The following WASHC5 variants were observed in gnomAD, a reference collection of about 807,000 sequenced individuals.
WASHC5 encodes WASH complex subunit strumpellin.
A neutral mutation model predicts 150.4 loss-of-function variants in WASHC5; 101 were observed. The observed-to-expected ratio is 0.67, with a 90% CI of 0.57 to 0.79. The LOEUF is 0.79. Among genes scored for constraint, WASHC5 ranks in the 30% least tolerant of loss-of-function variants. The probability of loss-of-function intolerance (pLI) is 0.00; values close to 1 mark genes in which losing one functional copy is unlikely to be tolerated. For synonymous variants in WASHC5, 467 were observed against 491.2 expected (o/e 0.95, Z 0.65); for missense variants, 1,195 against 1,396.3 (o/e 0.86, Z 2.30).
rs116712065 is a variant in WASHC5 at position 125,037,575 on chromosome 8, T to C, written c.3085-242A>G. 3.4e-3 allele frequency among the ~76,000 whole-genome samples: 513 copies of C among 152,312 alleles called. 4 individuals carry two copies. The highest frequency in any genetic ancestry group is 0.012 in the African/African-American group (489 of 41,558). ...GAAAACAATTTTGCTTAGAAAGACTTTTCCCCTGAATCCTGTTAATGTCAT... is the reference window on the plus strand; with the variant it reads ...GAAAACAATTTTGCTTAGAAAGACTCTTCCCCTGAATCCTGTTAATGTCAT... On this transcript the variant is annotated intron_variant, in intron 25 of 28. Transcript: ENST00000318410.
chr8:125,056,418 T>C (rs971969210), intron 16 of WASHC5, among the ~76,000 whole-genome samples: 12 of 152,206 alleles, frequency 7.9e-5, no homozygotes, highest in African/African-American at 2.9e-4. Context: ...AAGACTGTTA[T>C]AGGAAAAAGT....
At chr8:125,044,753 A>T in intron 20 of WASHC5, 55 bp from the exon 21 acceptor site, 1 of 1,561,340 alleles carries the variant, frequency 6.4e-7, no homozygotes, top group Non-Finnish European at 8.8e-7. Flanking sequence ...ATCCTTAAAG[A>T]GATGTTAGGA....
chr8:125,066,999 A>G (rs1816759627), intron 10 of WASHC5, among the ~76,000 whole-genome samples: 1 of 152,068 alleles, frequency 6.6e-6, no homozygotes. Context: ...CTGAGTTCAT[A>G]TTTACATTTT....
intron 9 of WASHC5, among the ~76,000 whole-genome samples, chr8:125,071,453 C>G (rs776363234): frequency 4.6e-5 from 7 of 152,192 alleles, no homozygotes; most frequent in Non-Finnish European, 8.8e-5. Context: ...GCACTCTGGT[C>G]CAGCCAGGTC....
intron 17 of WASHC5, among the ~76,000 whole-genome samples, chr8:125,054,629 CAAGACCACGGTGAAACCCTGTCTCT>C (rs1290972904): frequency 1.8e-4 from 27 of 151,720 alleles, no homozygotes; most frequent in African/African-American, 6.3e-4. Context: ...GTCAGGAGAT[CAAGACCACGGTGAAACCCTGTCTCT>C]AAAAAATACA....
At chr8:125,089,562 A>T (rs190370381) in intron 1 of WASHC5, among the ~76,000 whole-genome samples, 2 of 152,368 alleles carry the variant, frequency 1.3e-5, no homozygotes, top group Non-Finnish European at 2.9e-5. Context: ...AACAGGTCCA[A>T]TGGCTACCCG....
At position 125,031,123 on chromosome 8, in the gene WASHC5, G is replaced by C. The variant is rs565365884; in HGVS notation, c.3335+1118C>G. On this transcript the variant is annotated intron_variant, in intron 27 of 28. Transcript: ENST00000318410. ...GAGAGGTAGCACAAGCCCCCTCGGT[G>C]AGAGTGTTCCAGCAGTGGCTGCATG... Among the ~76,000 whole-genome samples the C allele has an allele frequency of 4.6e-5, 7 of 152,308 alleles. No individual in the cohort carries two copies. In the East Asian group the frequency reaches 1.4e-3, roughly 29 times the overall value.
At chr8:125,034,546 C>T (rs557574282) in intron 26 of WASHC5, among the ~76,000 whole-genome samples, 3 of 152,106 alleles carry the variant, frequency 2.0e-5, no homozygotes, top group South Asian at 4.2e-4. Context: ...ACTGACGCCA[C>T]CAAATAATGG....
intron 16 of WASHC5, 88 bp from the exon 17 acceptor site, chr8:125,055,759 G>A: frequency 1.2e-6 from 1 of 846,804 alleles, no homozygotes; most frequent in Non-Finnish European, 2.1e-6. Flanking sequence ...TGTAGCTTTA[G>A]GACACCTGTG....
rs1376539976 is a variant in WASHC5, at chr8:125,091,750, C to T, written c.-260G>A. 2 of 152,368 alleles carry T rather than the reference C, an allele frequency of 1.3e-5. No individual in the cohort carries two copies. The highest frequency in any genetic ancestry group is 2.9e-5 in the Non-Finnish European group (2 of 68,156). 9.4% of individuals were successfully genotyped at this position (152,368 alleles called of 1,614,324 possible). On this transcript the variant is annotated 5_prime_UTR_variant, in exon 1 of 29. Transcript: ENST00000318410. ...CCCGGACCTGGAGCGGGTCAGACCC[C>T]GACTTCCGCCCCTGACTCCCCAGGC...
Position 125,073,217 on chromosome 8 carries a change from A to C in WASHC5, c.1086T>G (p.Leu362=), listed in dbSNP as rs1816953743. ...EEMVLDNIPK[L]LNCLRDCNVA... ...CATTGCAGTCTCTCAGGCAGTTCAG[A>C]AGCTTTGGGATATTGTCCAGAACCA... Residue 362 remains leucine (L), a synonymous_variant, in exon 9 of 29, where the codon CTT becomes CTG. Coordinates refer to ENST00000318410, the MANE Select transcript of WASHC5 (RefSeq NM_014846.4). The C allele has an allele frequency of 2.5e-6, 4 of 1,614,006 alleles. No individual in the cohort carries two copies. The highest frequency in any genetic ancestry group is 2.5e-6 in the Non-Finnish European group (3 of 1,180,014).
chr8:125,081,550 T>A (rs1167146595), intron 5 of WASHC5, 111 bp downstream of exon 5: 7 of 779,730 alleles, frequency 9.0e-6, no homozygotes, highest in Non-Finnish European at 1.1e-5. Context: ...AATCGTATAC[T>A]TTCTTATCTA....
chr8:125,050,112 T>C (rs770666321), intron 18 of WASHC5, among the ~76,000 whole-genome samples: 4 of 152,158 alleles, frequency 2.6e-5, no homozygotes, highest in Non-Finnish European at 5.9e-5. Context: ...ACTATGATAA[T>C]AAAGATCCTA....
chr8:125,076,299 T>A, intron 7 of WASHC5, 49 bp downstream of exon 7: 1 of 1,566,684 alleles, frequency 6.4e-7, no homozygotes, highest in Non-Finnish European at 8.8e-7. Context: ...AATGGGAAGT[T>A]AGTTCTCTAA....
chr8:125,024,624 A>G lies in WASHC5; in HGVS notation c.3473T>C (p.Val1158Ala). ...PNFIFDEFRTVL is the reference protein window; with the variant it reads ...PNFIFDEFRTAL ...AAGAAGTAGGAAAAACAGTTACAGC[A>G]CTGTTCTGAACTCATCAAAAATGAA... The change falls in exon 29 of 29, where the codon GTG (valine) becomes GCG (alanine). Residue 1158 changes from valine to alanine, a missense_variant. Val to Ala is a moderately conservative substitution (Grantham distance 64). Around this residue, in one of 3 missense-constraint regions of WASHC5, gnomAD observed 997 missense variants for 1,168.1 expected, o/e 0.85. Transcript: ENST00000318410. 1 of 1,607,780 alleles carries G rather than the reference A, an allele frequency of 6.2e-7. No homozygotes were observed. The highest frequency in any genetic ancestry group is 8.5e-7 in the Non-Finnish European group (1 of 1,174,262).
chr8:125,057,258 G>A (rs1210973637), intron 15 of WASHC5, among the ~76,000 whole-genome samples: 1 of 152,278 alleles, frequency 6.6e-6, no homozygotes, highest in East Asian at 1.9e-4. Flanking sequence ...TCTTTTACCA[G>A]ATATGGCTCT....
At chr8:125,051,415 C>T (rs887562532) in intron 17 of WASHC5, among the ~76,000 whole-genome samples, 2 of 152,158 alleles carry the variant, frequency 1.3e-5, no homozygotes, top group East Asian at 1.9e-4. Context: ...TTAATGGGTT[C>T]CATCCAGTTT....
chr8:125,089,361 A>T lies in WASHC5; in HGVS notation c.-125+2254T>A, dbSNP rs187584773. Among the ~76,000 whole-genome samples the T allele has an allele frequency of 5.3e-5, 8 of 152,346 alleles. No homozygotes were observed. In the East Asian group the frequency reaches 1.3e-3, roughly 26 times the overall value. ...GAAGAAGAATTGTCTTGAGCCACAC[A>T]TAAAATACACTAACACCAAAAATAG... On this transcript the variant is annotated intron_variant, in intron 1 of 28. Coordinates refer to ENST00000318410, the MANE Select transcript of WASHC5 (RefSeq NM_014846.4).
chr8:125,075,896 A>C (rs1817046249), intron 7 of WASHC5, among the ~76,000 whole-genome samples: 1 of 152,244 alleles, frequency 6.6e-6, no homozygotes, highest in Non-Finnish European at 1.5e-5. Context: ...CAAAGGTACA[A>C]GCATATCCTT....
Sources: gnomAD v4.1 joint callset for allele counts (sites outside exome capture counted in the v4.1 genomes callset) on GRCh38, gnomAD v4.1.1 for gene constraint, gnomAD v4.1.1 regional missense constraint, MANE v1.5 for transcripts, NCBI Gene and HGNC (gene_info 2026-07-23, HGNC 2026-07-21) for gene names.